Variants in CPSF3 observed in about 807,000 individuals in gnomAD.
CPSF3 encodes the protein cleavage and polyadenylation specific factor 3, also known as cleavage and polyadenylation specificity factor subunit 3.
In CPSF3, 57 loss-of-function variants were observed where a neutral mutation model predicts 84.1. The ratio of observed to expected loss-of-function variants is 0.68; its 90% CI spans 0.55 to 0.85. The LOEUF is 0.85. Among genes scored for constraint, CPSF3 ranks in the 40% least tolerant of loss-of-function variants. The pLI is 0.00. For synonymous variants in CPSF3, 275 were observed against 278.1 expected (o/e 0.99, Z 0.11); for missense variants, 522 against 838.8 (o/e 0.62, Z 4.66).
intron 15 of CPSF3, among the ~76,000 whole-genome samples, chr2:9,465,563 ACG>A (rs70948818): frequency 0.29 from 43,263 of 147,384 alleles, 7,029 homozygotes; most frequent in Non-Finnish European, 0.38. Context: ...ACACACACAC[ACG>A]CGCGCGCGTT....
chr2:9,428,927 A>C, intron 2 of CPSF3, 99 bp downstream of exon 2: 1 of 711,668 alleles, frequency 1.4e-6, no homozygotes, highest in Non-Finnish European at 2.5e-6. Context: ...CTCCCAGAAA[A>C]ATGTTATAGT....
At chr2:9,462,938 T>C (rs1394491982) in intron 15 of CPSF3, among the ~76,000 whole-genome samples, 1 of 152,228 alleles carries the variant, frequency 6.6e-6, no homozygotes, top group Non-Finnish European at 1.5e-5. Flanking sequence ...TTGTAGTTTA[T>C]GGAGAATGAG....
chr2:9,429,890 G>A (rs761762179), intron 2 of CPSF3, 33 bp from the exon 3 acceptor site: 1 of 1,391,012 alleles, frequency 7.2e-7, no homozygotes, highest in Non-Finnish European at 1.0e-6. Context: ...AAAATGTGCA[G>A]GAGATTGTGA....
intron 4 of CPSF3, among the ~76,000 whole-genome samples, chr2:9,431,254 A>G (rs1401811564): frequency 6.6e-6 from 1 of 152,118 alleles, no homozygotes; most frequent in Non-Finnish European, 1.5e-5. Context: ...ATAGGGTCTT[A>G]TGTTGCCCAG....
intron 15 of CPSF3, among the ~76,000 whole-genome samples, chr2:9,460,882 C>T (rs1399416054): frequency 1.3e-5 from 2 of 152,030 alleles, no homozygotes; most frequent in African/African-American, 4.8e-5. Flanking sequence ...GGGAAGTGAC[C>T]ATACGGGAAG....
intron 11 of CPSF3, among the ~76,000 whole-genome samples, chr2:9,450,930 G>A (rs894835188): frequency 4.6e-5 from 7 of 152,120 alleles, no homozygotes; most frequent in African/African-American, 1.5e-4. Flanking sequence ...GTAAATAGTC[G>A]TAGTTACTCC....
chr2:9,430,031 C>T lies in CPSF3; in HGVS notation c.212+11C>T, dbSNP rs746044890. 2.8e-6 allele frequency: 4 copies of T among 1,434,014 alleles called. No individual in the cohort carries two copies. Among genetic ancestry groups the T allele is most frequent in the Non-Finnish European group, 3.8e-6 (4 of 1,049,924 alleles). 88.8% of individuals were successfully genotyped at this position (1,434,014 alleles called of 1,614,324 possible). The stretch of plus-strand genomic sequence containing the variant: ...CCTATTAATTAGTCAGTAAGTTTTT[C>T]CCTTTATTAATGACACTTTTTCACG... On this transcript the variant is annotated intron_variant, in intron 3 of 17. Coordinates refer to ENST00000238112, the MANE Select transcript of CPSF3 (RefSeq NM_016207.4).
chr2:9,423,938 T>G, intron 1 of CPSF3, 115 bp downstream of exon 1: 1 of 1,493,308 alleles, frequency 6.7e-7, no homozygotes, highest in Non-Finnish European at 8.9e-7. Context: ...AGCCTGCCTT[T>G]GGTCCGCGCT....
In CPSF3 at chr2:9,466,392, G is replaced by A. The variant is rs12988034; in HGVS notation, c.1787-1315G>A. Among the ~76,000 whole-genome samples the A allele has an allele frequency of 3.8e-4, 55 of 143,590 alleles. 1 individual carries two copies. Among genetic ancestry groups the A allele is most frequent in the African/African-American group, 1.3e-3 (49 of 37,878 alleles). The allele number at this position is 143,590 out of a possible 152,430, so 94.2% of individuals were successfully genotyped here. A position where few individuals can be genotyped will look rare whatever the true frequency, so the allele number is the denominator to read the frequency against. On this transcript the variant is annotated intron_variant, in intron 15 of 17. Coordinates refer to ENST00000238112, the MANE Select transcript of CPSF3 (RefSeq NM_016207.4). ...CACACCCACGCACTCGCACACACGC[G>A]CACACACACGCACGCGCACACACGC...
intron 12 of CPSF3, 88 bp downstream of exon 12, chr2:9,453,109 G>A (rs1056296689): frequency 1.2e-5 from 9 of 777,126 alleles, no homozygotes; most frequent in Non-Finnish European, 1.6e-5. Flanking sequence ...GTGGCCTAAT[G>A]TTATGTAATA....
chr2:9,464,628 G>C (rs1383901933), intron 15 of CPSF3, among the ~76,000 whole-genome samples: 1 of 151,894 alleles, frequency 6.6e-6, no homozygotes, highest in Non-Finnish European at 1.5e-5. Flanking sequence ...GGGTCTCACT[G>C]TGTCGCAGAC....
intron 7 of CPSF3, among the ~76,000 whole-genome samples, chr2:9,439,655 G>C (rs530708591): frequency 2.0e-5 from 3 of 152,194 alleles, no homozygotes; most frequent in Non-Finnish European, 4.4e-5. Context: ...ATTACCCACT[G>C]CTTTCTTTAA....
rs1682107752 is a variant in CPSF3, at chr2:9,469,995, C to T, written c.1857-1348C>T. 2.0e-5 allele frequency among the ~76,000 whole-genome samples: 3 copies of T among 152,180 alleles called. No individual in the cohort carries two copies. In the South Asian group the frequency reaches 6.2e-4, roughly 31 times the overall value. On this transcript the variant is annotated intron_variant, in intron 16 of 17. Transcript: ENST00000238112. ...TTGGGAAGCCAAGGCAGGTGGATCA[C>T]TTGAGGTTAGGGGTTCGAGACCAGC...
intron 16 of CPSF3, among the ~76,000 whole-genome samples, chr2:9,468,616 G>A (rs3923838): frequency 0.55 from 77,476 of 140,886 alleles, 22,214 homozygotes; most frequent in Middle Eastern, 0.7. Context: ...ATTCTACACT[G>A]ACCTTTTTTT....
At chr2:9,438,611 G>A (rs559297858) in intron 7 of CPSF3, among the ~76,000 whole-genome samples, 1 of 151,428 alleles carries the variant, frequency 6.6e-6, no homozygotes, top group South Asian at 2.1e-4. Context: ...TGCCTCCCGG[G>A]TTCAAGCTAT....
At position 9,473,015 on chromosome 2, in the gene CPSF3, T is replaced by C. The variant is rs935114275; in HGVS notation, c.2053T>C (p.Ter685ArgextTer6). Residue 685 changes from the stop codon to arginine, a stop_lost, in exon 18 of 18, where the codon TGA becomes CGA. Coordinates refer to ENST00000238112, the MANE Select transcript of CPSF3 (RefSeq NM_016207.4). ...RLYEALTPVH[*>R] ...GTACGAGGCCCTGACGCCAGTTCACTGAGACTGTGCCTGTATATGAACTTT... is the reference window on the plus strand; with the variant it reads ...GTACGAGGCCCTGACGCCAGTTCACCGAGACTGTGCCTGTATATGAACTTT... 2.5e-6 allele frequency: 4 copies of C among 1,608,590 alleles called. No homozygotes were observed. The highest frequency in any genetic ancestry group is 3.4e-6 in the Non-Finnish European group (4 of 1,175,340).
chr2:9,453,722 C>G (rs970296686), intron 12 of CPSF3, among the ~76,000 whole-genome samples: 2 of 152,218 alleles, frequency 1.3e-5, no homozygotes, highest in Non-Finnish European at 2.9e-5. Flanking sequence ...GAATCCCCGT[C>G]TCTACTAAAA....
intron 10 of CPSF3, among the ~76,000 whole-genome samples, chr2:9,446,756 A>G (rs1352485148): frequency 6.6e-6 from 1 of 150,680 alleles, no homozygotes; most frequent in African/African-American, 2.4e-5. Flanking sequence ...GACTGTCTCA[A>G]AAAAAAAAGA....
chr2:9,452,419 C>G (rs983077584), intron 11 of CPSF3, among the ~76,000 whole-genome samples: 2 of 152,014 alleles, frequency 1.3e-5, no homozygotes, highest in African/African-American at 2.4e-5. Flanking sequence ...ATGTTTCTCC[C>G]TCAATGTATG....
Sources: gnomAD v4.1 joint callset for allele counts (sites outside exome capture counted in the v4.1 genomes callset) on GRCh38, gnomAD v4.1.1 for gene constraint, MANE v1.5 for transcripts, NCBI Gene and HGNC (gene_info 2026-07-23, HGNC 2026-07-21) for gene names.